SH3KBP1: variants seen among roughly 807,000 people sequenced by gnomAD.
The protein encoded by SH3KBP1 is SH3 domain containing kinase binding protein 1.
Under a neutral mutation model 50.1 loss-of-function variants are expected in SH3KBP1, and 8 were observed. The observed-to-expected ratio is 0.16, with a 90% CI of 0.09 to 0.29. The LOEUF (loss-of-function observed/expected upper bound fraction) is 0.29, where lower values mean the gene tolerates loss of function less well. Among genes scored for constraint, SH3KBP1 ranks in the 10% least tolerant of loss-of-function variants. The probability of loss-of-function intolerance (pLI) is 1.00; values close to 1 mark genes in which losing one functional copy is unlikely to be tolerated. For missense variants in SH3KBP1, 377 were observed against 535.2 expected, an observed-to-expected ratio of 0.70 and a Z score of 2.92; for synonymous variants, 227 against 218.6, an observed-to-expected ratio of 1.04 and a Z score of -0.34.
intron 2 of SH3KBP1, among the ~76,000 whole-genome samples, chrX:19,748,692 C>T (rs1462341130): frequency 9.0e-6 from 1 of 110,831 alleles, no homozygotes; most frequent in East Asian, 2.8e-4. Flanking sequence ...GACACATGGC[C>T]GTGGCAGTTA....
At chrX:19,736,438 G>T (rs981250836) in intron 3 of SH3KBP1, among the ~76,000 whole-genome samples, 1 of 112,256 alleles carries the variant, frequency 8.9e-6, no homozygotes, top group Non-Finnish European at 1.9e-5. Flanking sequence ...CATCCTCCCT[G>T]CAATAAGGTC....
rs372611688 is a variant in SH3KBP1, at chrX:19,724,635, G to T, written c.287-17651C>A. Among the ~76,000 whole-genome samples, 3 of 112,790 alleles carry T rather than the reference G, an allele frequency of 2.7e-5. No individual in the cohort carries two copies. The East Asian group carries it at 8.3e-4, about 31-fold the overall frequency. On this transcript the variant is annotated intron_variant, in intron 3 of 17. Transcript: ENST00000397821. ...GTGTGCCTGTGTGCCAATAAAACTT[G>T]ACTTACAAAAACAGCCAGTGCCAGG...
intron 13 of SH3KBP1, among the ~76,000 whole-genome samples, chrX:19,554,056 TTA>T (rs1182226586): frequency 5.1e-5 from 2 of 39,093 alleles, no homozygotes; most frequent in Non-Finnish European, 8.5e-5. Context: ...TTAAAATATA[TTA>T]TATATATTAA....
At chrX:19,861,721 T>C (rs2068782374) in intron 1 of SH3KBP1, among the ~76,000 whole-genome samples, 1 of 111,370 alleles carries the variant, frequency 9.0e-6, no homozygotes, top group African/African-American at 3.3e-5. Flanking sequence ...AAATACAGAC[T>C]GTGAAGTGGA....
intron 14 of SH3KBP1, among the ~76,000 whole-genome samples, chrX:19,547,774 G>A (rs958738709): frequency 1.8e-4 from 20 of 111,814 alleles, no homozygotes; most frequent in Non-Finnish European, 1.7e-4. Flanking sequence ...AATCATGACT[G>A]GTGCATTTCC....
Position 19,586,540 on chromosome X carries a change from T to C in SH3KBP1, c.1298+2103A>G, listed in dbSNP as rs535229115. Among the ~76,000 whole-genome samples the C allele has an allele frequency of 2.7e-3, 300 of 112,239 alleles. 1 individual carries two copies. Among genetic ancestry groups the C allele is most frequent in the South Asian group, 0.017 (46 of 2,706 alleles). On this transcript the variant is annotated intron_variant, in intron 12 of 17. Coordinates refer to ENST00000397821, the MANE Select transcript of SH3KBP1 (RefSeq NM_031892.3). ...CTGACCACACCACTGAAATGATCCT[T>C]GCTAAGGTCATCAAGGCTGTCAAGT...
chrX:19,873,093 A>G (rs2069105358), intron 1 of SH3KBP1, among the ~76,000 whole-genome samples: 1 of 108,515 alleles, frequency 9.2e-6, no homozygotes, highest in Non-Finnish European at 1.9e-5. Flanking sequence ...ATTTCCTTAC[A>G]GGATAGAAAG....
intron 1 of SH3KBP1, among the ~76,000 whole-genome samples, chrX:19,847,256 A>T (rs1376113723): frequency 9.0e-6 from 1 of 111,707 alleles, no homozygotes; most frequent in Non-Finnish European, 1.9e-5. Context: ...CAGGTGTAGT[A>T]ATCCTGCTAC....
At chrX:19,724,974 G>A (rs1303375752) in intron 3 of SH3KBP1, among the ~76,000 whole-genome samples, 2 of 111,644 alleles carry the variant, frequency 1.8e-5, no homozygotes, top group Non-Finnish European at 3.8e-5. Context: ...TCTGTGAACA[G>A]GAACTCAGCT....
chrX:19,686,829 T>G (rs1036807036), intron 5 of SH3KBP1, among the ~76,000 whole-genome samples: 4 of 111,876 alleles, frequency 3.6e-5, no homozygotes, highest in Non-Finnish European at 7.5e-5. Context: ...ATGCTTTTCC[T>G]TCAAGGTGAA....
intron 9 of SH3KBP1, among the ~76,000 whole-genome samples, chrX:19,597,683 T>G (rs754677685): frequency 6.2e-5 from 7 of 112,235 alleles, no homozygotes; most frequent in Non-Finnish European, 1.3e-4. Context: ...CCTCCCAAAG[T>G]GCTGGGATTA....
At chrX:19,654,569 G>A (rs1343109102) in intron 6 of SH3KBP1, among the ~76,000 whole-genome samples, 4 of 111,924 alleles carry the variant, frequency 3.6e-5, no homozygotes, top group African/African-American at 9.7e-5. Flanking sequence ...GAGGATGAAC[G>A]AGCCAGAGTA....
At chrX:19,637,875 G>A (rs1443116309) in intron 7 of SH3KBP1, among the ~76,000 whole-genome samples, 2 of 108,017 alleles carry the variant, frequency 1.9e-5, no homozygotes, top group South Asian at 4.1e-4. Context: ...TCAGGAGCTC[G>A]AGACCAGCTT....
intron 3 of SH3KBP1, among the ~76,000 whole-genome samples, chrX:19,739,002 C>T (rs2064688086): frequency 1.2e-5 from 1 of 82,123 alleles, no homozygotes; most frequent in African/African-American, 5.0e-5. Flanking sequence ...TAGAGCGAGA[C>T]TCTGCCTCCA....
intron 6 of SH3KBP1, among the ~76,000 whole-genome samples, chrX:19,667,982 G>A (rs759885369): frequency 2.7e-5 from 3 of 110,918 alleles, no homozygotes; most frequent in African/African-American, 9.8e-5. Flanking sequence ...AATGTTGTTT[G>A]TAATGTTAAA....
At chrX:19,542,822 C>A (rs1049463856) in intron 15 of SH3KBP1, among the ~76,000 whole-genome samples, 1 of 111,697 alleles carries the variant, frequency 9.0e-6, no homozygotes, top group Admixed American at 9.5e-5. Context: ...GTGGGAAGTA[C>A]TGCTAGACCG....
chrX:19,728,689 T>C (rs1469794859), intron 3 of SH3KBP1, among the ~76,000 whole-genome samples: 3 of 111,419 alleles, frequency 2.7e-5, no homozygotes, highest in Non-Finnish European at 3.8e-5. Flanking sequence ...CCTGGGAACG[T>C]TGGGGAGGGT....
At chrX:19,786,540 C>G (rs1282823647) in intron 2 of SH3KBP1, among the ~76,000 whole-genome samples, 5 of 112,053 alleles carry the variant, frequency 4.5e-5, no homozygotes, top group African/African-American at 1.6e-4. Flanking sequence ...TATTATGTCC[C>G]AGCAAGGCAA....
chrX:19,711,015 C>G (rs2063763915), intron 3 of SH3KBP1, among the ~76,000 whole-genome samples: 1 of 111,642 alleles, frequency 9.0e-6, no homozygotes, highest in Admixed American at 9.5e-5. Flanking sequence ...CACTGAACCT[C>G]TGGGGTAGAT....
Sources: allele counts gnomAD v4.1 joint callset (sites outside exome capture counted in the v4.1 genomes callset), GRCh38; gene constraint gnomAD v4.1.1; transcripts MANE v1.5; gene names NCBI Gene and HGNC (gene_info 2026-07-23, HGNC 2026-07-21).